Variants in SYNE1 observed in about 807,000 individuals in gnomAD.
The protein encoded by SYNE1 is spectrin repeat containing nuclear envelope protein 1, also known as nesprin-1.
Under a neutral mutation model 1,111.0 loss-of-function variants are expected in SYNE1, and 616 were observed. The observed-to-expected ratio is 0.55, with a 90% CI of 0.52 to 0.59. SYNE1 has a LOEUF of 0.59. SYNE1 is among the 20% of genes least tolerant of loss of function. SYNE1 has a pLI of 0.00. For synonymous variants in SYNE1, 3,855 were observed against 3,825.8 expected (o/e 1.01, Z -0.28); for missense variants, 10,006 against 10,417.0 (o/e 0.96, Z 1.72).
intron 145 of SYNE1, chr6:152,128,422 A>C (rs770561562): frequency 4.6e-5 from 7 of 152,248 alleles, no homozygotes; most frequent in Non-Finnish European, 8.8e-5. Flanking sequence ...TTGTAGGCCC[A>C]GGGCCTAAAT....
chr6:152,133,537 G>A, intron 142 of SYNE1, 49 bp from the exon 143 acceptor site: 1 of 1,572,334 alleles, frequency 6.4e-7, no homozygotes, highest in Non-Finnish European at 8.7e-7. Context: ...TTGATAATTG[G>A]CAAAAGCTCC....
Position 152,152,009 on chromosome 6 carries a change from T to C in SYNE1, c.24262A>G (p.Arg8088Gly). 1 of 1,614,236 alleles carries C rather than the reference T, an allele frequency of 6.2e-7. No homozygotes were observed. Among genetic ancestry groups the C allele is most frequent in the Non-Finnish European group, 8.5e-7 (1 of 1,180,046 alleles). The change falls in exon 134 of 146, where the codon AGA (arginine) becomes GGA (glycine). Residue 8088 changes from arginine (R) to glycine (G), a missense_variant. By Grantham distance (125) the Arg-to-Gly change is moderately radical. This residue lies in a region of SYNE1 where 2,182 missense variants were observed against 2,287.8 expected (regional missense o/e 0.95). Transcript: ENST00000367255. The stretch of plus-strand genomic sequence containing the variant: ...ACACGCTTTTGCAGGTTGTCCCATC[T>C]CTGGTTGCCTTCGTGAACCATCTGT... ...LKQMVHEGNQRWDNLQKRVTS... is the reference protein window; with the variant it reads ...LKQMVHEGNQGWDNLQKRVTS...
intron 96 of SYNE1, among the ~76,000 whole-genome samples, chr6:152,283,177 T>A (rs1161381657): frequency 6.6e-6 from 1 of 152,198 alleles, no homozygotes; most frequent in African/African-American, 2.4e-5. Flanking sequence ...AACACAGATA[T>A]TACTGCTGCC....
At chr6:152,595,074 T>C (rs1471922160) in intron 3 of SYNE1, among the ~76,000 whole-genome samples, 1 of 152,208 alleles carries the variant, frequency 6.6e-6, no homozygotes, top group Non-Finnish European at 1.5e-5. Flanking sequence ...TTATTTACCA[T>C]ACTGCTGCTC....
intron 20 of SYNE1, chr6:152,462,394 T>G: frequency 2.6e-6 from 1 of 381,742 alleles, no homozygotes. Flanking sequence ...ATTCAAAATA[T>G]GCAAATACCA....
chr6:152,391,259 G>A lies in SYNE1; in HGVS notation c.8004+18C>T. The A allele has an allele frequency of 6.2e-7, 1 of 1,613,666 alleles. No homozygotes were observed. Among genetic ancestry groups the A allele is most frequent in the Non-Finnish European group, 8.5e-7 (1 of 1,179,964 alleles). ...TAGCATTCAGCAGTTGTCAGTGTCT[G>A]GCTGGTGTCGCATGTACCTGTATTT... On this transcript the variant is annotated intron_variant, in intron 52 of 145. Coordinates refer to ENST00000367255, the MANE Select transcript of SYNE1 (RefSeq NM_182961.4).
intron 10 of SYNE1, 89 bp downstream of exon 10, chr6:152,502,544 A>C: frequency 6.9e-6 from 7 of 1,017,236 alleles, no homozygotes; most frequent in Non-Finnish European, 1.1e-5. Flanking sequence ...AAATGCATTC[A>C]AATTTAATTT....
At chr6:152,568,039 T>C (rs1374988331) in intron 3 of SYNE1, among the ~76,000 whole-genome samples, 3 of 151,824 alleles carry the variant, frequency 2.0e-5, no homozygotes, top group Non-Finnish European at 4.4e-5. Flanking sequence ...ATTGAGAACC[T>C]CTCTTTACAC....
intron 32 of SYNE1, 37 bp downstream of exon 32, chr6:152,441,093 T>G (rs971561423): frequency 1.2e-6 from 2 of 1,611,760 alleles, no homozygotes; most frequent in Non-Finnish European, 1.7e-6. Context: ...TTGCTTTGTT[T>G]TTTCTGAATA....
intron 82 of SYNE1, 61 bp downstream of exon 82, chr6:152,323,417 C>G (rs1383994400): frequency 1.3e-6 from 2 of 1,596,242 alleles, no homozygotes; most frequent in Non-Finnish European, 1.7e-6. Context: ...CCAGCCTGGG[C>G]GACAGAGCGA....
chr6:152,326,427 G>A lies in SYNE1; in HGVS notation c.15162C>T (p.Ser5054=). 1 of 1,614,150 alleles carries A rather than the reference G, an allele frequency of 6.2e-7. No homozygotes were observed. The highest frequency in any genetic ancestry group is 8.5e-7 in the Non-Finnish European group (1 of 1,180,028). ...TGAGTGGGTCCAGGGTGGCTACCAG[G>A]CTGTGGAGCTCCTCCAGGTTACTAT... The part of the protein sequence containing the change: ...QFHSNLEELH[S]LVATLDPLIK... Residue 5054 remains serine, a synonymous_variant, in exon 79 of 146, where the codon AGC becomes AGT. Transcript: ENST00000367255.
intron 110 of SYNE1, among the ~76,000 whole-genome samples, chr6:152,235,607 C>T (rs545878659): frequency 1.8e-4 from 27 of 152,244 alleles, no homozygotes; most frequent in African/African-American, 5.5e-4. Context: ...GGGATCTGCC[C>T]GCCTCAGCCT....
chr6:152,256,368 T>C (rs2090851445), intron 102 of SYNE1, among the ~76,000 whole-genome samples: 1 of 151,906 alleles, frequency 6.6e-6, no homozygotes, highest in Non-Finnish European at 1.5e-5. Context: ...AGGCGGAGGT[T>C]GCAATGAGCC....
chr6:152,381,016 T>A lies in SYNE1; in HGVS notation c.8999A>T (p.His3000Leu), dbSNP rs771317507. The A allele has an allele frequency of 1.2e-6, 2 of 1,614,172 alleles. No individual in the cohort carries two copies. The highest frequency in any genetic ancestry group is 1.7e-6 in the Non-Finnish European group (2 of 1,179,994). ...NTDEEIVECW[H>L]KGQEILDALQ... ...AGGAAGCCAACTTACTTGTCCTTTG[T>A]GCCAGCATTCCACTATCTCCTCATC... The change falls in exon 56 of 146, where the codon CAC becomes CTC. Residue 3000 changes from histidine to leucine, a missense_variant. His to Leu is a moderately conservative substitution (Grantham distance 99). Coordinates refer to ENST00000367255, the MANE Select transcript of SYNE1 (RefSeq NM_182961.4).
chr6:152,447,415 C>G, intron 29 of SYNE1, 43 bp downstream of exon 29: 2 of 1,609,468 alleles, frequency 1.2e-6, no homozygotes, highest in Non-Finnish European at 1.7e-6. Context: ...TTCCAGATGC[C>G]TCACTCAGAA....
At chr6:152,409,849 T>C in intron 42 of SYNE1, 140 bp from the exon 43 acceptor site, 1 of 881,886 alleles carries the variant, frequency 1.1e-6, no homozygotes, top group Non-Finnish European at 1.8e-6. Flanking sequence ...CTCAAACTAG[T>C]GCTGCTGGTT....
chr6:152,448,337 G>T (rs747838668), intron 28 of SYNE1, among the ~76,000 whole-genome samples: 8 of 152,138 alleles, frequency 5.3e-5, no homozygotes, highest in African/African-American at 1.2e-4. Context: ...AAGAGCAGGG[G>T]TCCCCAACCA....
intron 42 of SYNE1, 74 bp downstream of exon 42, chr6:152,413,278 C>CA (rs1422706393): frequency 6.7e-7 from 1 of 1,494,736 alleles, no homozygotes; most frequent in African/African-American, 1.4e-5. Context: ...CACATCAACA[C>CA]AAAACAGGCA....
chr6:152,133,578 G>T, intron 142 of SYNE1, 90 bp from the exon 143 acceptor site: 1 of 1,295,552 alleles, frequency 7.7e-7, no homozygotes, highest in Non-Finnish European at 1.1e-6. Context: ...ACTTAACTTG[G>T]TGGGAAATTA....
Sources: allele counts gnomAD v4.1 joint callset (sites outside exome capture counted in the v4.1 genomes callset), GRCh38; gene constraint gnomAD v4.1.1; regional missense constraint gnomAD v4.1.1; transcripts MANE v1.5; gene names NCBI Gene and HGNC (gene_info 2026-07-23, HGNC 2026-07-21).